The following FER1L6 variants were observed in gnomAD, a reference collection of about 807,000 sequenced individuals.
FER1L6 encodes fer-1 like family member 6.
Under a neutral mutation model 219.2 loss-of-function variants are expected in FER1L6, and 177 were observed. That is an observed-to-expected ratio of 0.81 (90% CI 0.71 to 0.91). The LOEUF (loss-of-function observed/expected upper bound fraction) is 0.91, where lower values mean the gene tolerates loss of function less well. Ranked by LOEUF, FER1L6 falls within the 40% of genes least tolerant of loss-of-function variation. The pLI, the probability that FER1L6 is intolerant of heterozygous loss-of-function variation, is 0.00. For synonymous variants in FER1L6, 768 were observed against 824.3 expected (o/e 0.93, Z 1.17); for missense variants, 2,153 against 2,259.9 (o/e 0.95, Z 0.96).
Position 124,061,961 on chromosome 8 carries a change from A to G in FER1L6, c.3257A>G (p.Lys1086Arg). 6.2e-7 allele frequency: 1 copy of G among 1,614,206 alleles called. No individual in the cohort carries two copies. Among genetic ancestry groups the G allele is most frequent in the South Asian group, 1.1e-5 (1 of 91,082 alleles). Reference protein sequence around the residue: ...LVGTYTINYLKQFLCKLREPL... With the variant: ...LVGTYTINYLRQFLCKLREPL... ...GGCACCTACACCATCAACTACTTGA[A>G]GCAGTTTTTGTGTAAACTCAGAGAG... Residue 1086 changes from lysine (K) to arginine (R), a missense_variant, in exon 25 of 41, where the codon AAG becomes AGG. By Grantham distance (26) the Lys-to-Arg change is conservative (BLOSUM62 2). Transcript: ENST00000522917.
intron 1 of FER1L6, among the ~76,000 whole-genome samples, chr8:123,941,521 G>A (rs1814241878): frequency 6.6e-6 from 1 of 152,144 alleles, no homozygotes; most frequent in South Asian, 2.1e-4. Flanking sequence ...AGAGATTTGA[G>A]TACAGGGTGG....
chr8:123,937,697 T>C (rs2129970036), intron 1 of FER1L6, among the ~76,000 whole-genome samples: 1 of 152,340 alleles, frequency 6.6e-6, no homozygotes. Context: ...CGAATATAGA[T>C]AATTGGTCAG....
At chr8:123,992,380 C>T (rs1816901146) in intron 12 of FER1L6, among the ~76,000 whole-genome samples, 1 of 152,062 alleles carries the variant, frequency 6.6e-6, no homozygotes, top group South Asian at 2.1e-4. Flanking sequence ...CTCAATCTCA[C>T]TGCTTGTTAT....
At chr8:124,043,211 A>G (rs1434650192) in intron 20 of FER1L6, among the ~76,000 whole-genome samples, 1 of 152,206 alleles carries the variant, frequency 6.6e-6, no homozygotes, top group Non-Finnish European at 1.5e-5. Flanking sequence ...GATGTGTGCC[A>G]AGCACTTAAT....
At chr8:123,935,391 G>T (rs1377336665) in intron 1 of FER1L6, among the ~76,000 whole-genome samples, 1 of 152,090 alleles carries the variant, frequency 6.6e-6, no homozygotes, top group Non-Finnish European at 1.5e-5. Context: ...GATATTCCAC[G>T]TTCATTTTAA....
At chr8:124,103,836 T>C (rs1035786236) in intron 39 of FER1L6, among the ~76,000 whole-genome samples, 1 of 152,218 alleles carries the variant, frequency 6.6e-6, no homozygotes, top group Non-Finnish European at 1.5e-5. Flanking sequence ...ACTGATCCTC[T>C]GTAAGCCAGC....
intron 1 of FER1L6, among the ~76,000 whole-genome samples, chr8:123,899,111 C>T (rs1238281106): frequency 1.3e-5 from 2 of 152,068 alleles, no homozygotes; most frequent in African/African-American, 2.4e-5. Context: ...TACTAGTTTA[C>T]ATTCCCACCA....
At chr8:123,969,884 AAAGAGAATTG>A in intron 5 of FER1L6, 141 bp from the exon 6 acceptor site, 1 of 621,992 alleles carries the variant, frequency 1.6e-6, no homozygotes. Context: ...AAAAAAAAAA[AAAGAGAATTG>A]ACAATTGACA....
chr8:124,032,355 G>A (rs752600500), intron 18 of FER1L6, among the ~76,000 whole-genome samples: 39 of 152,062 alleles, frequency 2.6e-4, no homozygotes, highest in Non-Finnish European at 4.3e-4. Context: ...AACCCGGGAG[G>A]CAGAGGCTGC....
intron 19 of FER1L6, 73 bp downstream of exon 19, chr8:124,035,527 A>G (rs1382661240): frequency 2.1e-6 from 3 of 1,449,316 alleles, no homozygotes; most frequent in Non-Finnish European, 2.8e-6. Flanking sequence ...TAAGGAGGGC[A>G]GCATGCATGA....
intron 2 of FER1L6, 96 bp downstream of exon 2, chr8:123,956,170 G>C: frequency 9.1e-7 from 1 of 1,104,184 alleles, no homozygotes; most frequent in South Asian, 1.3e-5. Context: ...CAATGGGAGC[G>C]AGGGGGAGTG....
intron 11 of FER1L6, among the ~76,000 whole-genome samples, chr8:123,981,843 G>A (rs1816339229): frequency 6.6e-6 from 1 of 152,128 alleles, no homozygotes; most frequent in African/African-American, 2.4e-5. Context: ...CATATTTGGG[G>A]GTTAAATGAG....
At chr8:123,879,722 TACAC>T (rs139893329) in intron 1 of FER1L6, among the ~76,000 whole-genome samples, 1 of 151,328 alleles carries the variant, frequency 6.6e-6, no homozygotes, top group Admixed American at 6.6e-5. Flanking sequence ...TGCATGCGCA[TACAC>T]ACACACACAC....
chr8:123,993,398 C>T (rs1586564314), intron 12 of FER1L6, among the ~76,000 whole-genome samples: 3 of 149,102 alleles, frequency 2.0e-5, no homozygotes, highest in East Asian at 2.0e-4. Context: ...GCCGAGATCC[C>T]GCCACTGCAC....
At position 124,010,722 on chromosome 8, in the gene FER1L6, A is replaced by T; in HGVS notation, c.1821+8A>T. 2 of 1,612,694 alleles carry T rather than the reference A, an allele frequency of 1.2e-6. No individual in the cohort carries two copies. The highest frequency in any genetic ancestry group is 1.7e-6 in the Non-Finnish European group (2 of 1,179,672). ...AAAATGGCAGACTTCCTGGTAGGTG[A>T]CTCTGACAGGTGATGGATTAGAGAA... On this transcript the variant is annotated splice_region_variant and intron_variant, in intron 14 of 40. Transcript: ENST00000522917.
chr8:124,049,546 G>A, intron 21 of FER1L6, 61 bp from the exon 22 acceptor site: 1 of 1,565,748 alleles, frequency 6.4e-7, no homozygotes. Flanking sequence ...TGGCATTGAT[G>A]TGGATCAGAA....
intron 11 of FER1L6, among the ~76,000 whole-genome samples, chr8:123,982,534 TC>T (rs550681759): frequency 8.7e-4 from 133 of 152,288 alleles, no homozygotes; most frequent in African/African-American, 3.2e-3. Context: ...CCTCCTCTCT[TC>T]ATCTTGGCTT....
At chr8:124,103,722 C>T (rs13258930) in intron 39 of FER1L6, among the ~76,000 whole-genome samples, 122,762 of 152,192 alleles carry the variant, frequency 0.81, 49,785 homozygotes, top group Non-Finnish European at 0.86. Flanking sequence ...TTGTCCACTT[C>T]CTGCCAATGC....
At chr8:123,920,375 T>C (rs1374646821) in intron 1 of FER1L6, among the ~76,000 whole-genome samples, 1 of 152,228 alleles carries the variant, frequency 6.6e-6, no homozygotes, top group Non-Finnish European at 1.5e-5. Context: ...GATGGCCCCA[T>C]CATCTAGCCT....
Sources: allele counts gnomAD v4.1 joint callset (sites outside exome capture counted in the v4.1 genomes callset), GRCh38; gene constraint gnomAD v4.1.1; transcripts MANE v1.5; gene names NCBI Gene and HGNC (gene_info 2026-07-23, HGNC 2026-07-21).